FREM2: variants seen among roughly 807,000 people sequenced by gnomAD.
FREM2 encodes the protein FRAS1-related extracellular matrix protein 2.
In FREM2, 119 loss-of-function variants were observed where a neutral mutation model predicts 219.9. The ratio of observed to expected loss-of-function variants is 0.54; its 90% CI spans 0.47 to 0.63. FREM2 has a LOEUF of 0.63. FREM2 is among the 30% of genes least tolerant of loss of function. The pLI, the probability that FREM2 is intolerant of heterozygous loss-of-function variation, is 0.00. For missense variants in FREM2, 4,030 were observed against 3,993.6 expected (o/e 1.01, Z -0.25); for synonymous variants, 1,562 against 1,522.8 (o/e 1.03, Z -0.60).
At chr13:38,760,994 G>A (rs1267498642) in intron 2 of FREM2, among the ~76,000 whole-genome samples, 2 of 152,116 alleles carry the variant, frequency 1.3e-5, no homozygotes, top group South Asian at 2.1e-4. Flanking sequence ...TTCTTAAAAT[G>A]TGCCATATTT....
intron 18 of FREM2, among the ~76,000 whole-genome samples, 156 bp from the exon 19 acceptor site, chr13:38,875,866 G>A (rs1409693667): frequency 6.6e-6 from 1 of 152,226 alleles, no homozygotes; most frequent in Non-Finnish European, 1.5e-5. Flanking sequence ...TCATCTGCCA[G>A]AGGAGGATAA....
chr13:38,705,312 C>T (rs1488391231), intron 2 of FREM2, among the ~76,000 whole-genome samples: 7 of 152,104 alleles, frequency 4.6e-5, no homozygotes, highest in Admixed American at 1.3e-4. Flanking sequence ...CTGGGTTTTA[C>T]AGCCAGCAGA....
rs144836992 is a variant in FREM2, at chr13:38,754,330, A to G, written c.5264-9974A>G. Among the ~76,000 whole-genome samples, 1,003 of 152,310 alleles carry G rather than the reference A, an allele frequency of 6.6e-3. 11 individuals are homozygous for G. Among genetic ancestry groups the G allele is most frequent in the African/African-American group, 0.023 (974 of 41,560 alleles). On this transcript the variant is annotated intron_variant, in intron 2 of 23. Transcript: ENST00000280481. Reference sequence around the variant, plus strand: ...TAGAATGAGAGCTGATAGTAGAGGGAAACTCACTCGGATGACAGTTTTGCT... The same window carrying G: ...TAGAATGAGAGCTGATAGTAGAGGGGAACTCACTCGGATGACAGTTTTGCT...
intron 2 of FREM2, among the ~76,000 whole-genome samples, chr13:38,719,515 C>T (rs1454642413): frequency 6.6e-6 from 1 of 152,122 alleles, no homozygotes; most frequent in African/African-American, 2.4e-5. Context: ...GCCACTGCAC[C>T]TGGCCAGCAG....
intron 6 of FREM2, among the ~76,000 whole-genome samples, chr13:38,813,387 C>G (rs1295952572): frequency 6.6e-6 from 1 of 150,408 alleles, no homozygotes; most frequent in African/African-American, 2.4e-5. Context: ...TGTCATACCC[C>G]TCTCTCCTGT....
rs137930219 is a variant in FREM2, at chr13:38,778,741, C to T, written c.5642-4329C>T. ...TGAAATAATCTGTGCAGCAAGCCAT[C>T]GTGGCACACATTTATCTATGTAGCA... On this transcript the variant is annotated intron_variant, in intron 4 of 23. Transcript: ENST00000280481. Among the ~76,000 whole-genome samples the T allele has an allele frequency of 3.7e-3, 560 of 152,096 alleles. 1 individual carries two copies. The highest frequency in any genetic ancestry group is 0.013 in the African/African-American group (532 of 41,498).
chr13:38,755,238 A>G (rs1164240484), intron 2 of FREM2, among the ~76,000 whole-genome samples: 1 of 151,936 alleles, frequency 6.6e-6, no homozygotes, highest in African/African-American at 2.4e-5. Flanking sequence ...TGCCCCAAGG[A>G]TAGGTGCTTT....
chr13:38,853,400 CTTTATGTCCAATATTACA>C (rs1227693635), intron 11 of FREM2, among the ~76,000 whole-genome samples: 1 of 150,268 alleles, frequency 6.7e-6, no homozygotes, highest in Non-Finnish European at 1.5e-5. Flanking sequence ...ATAAAAGTAA[CTTTATGTCCAATATTACA>C]TTTATGAATT....
intron 11 of FREM2, among the ~76,000 whole-genome samples, chr13:38,853,668 G>T (rs754578763): frequency 6.6e-6 from 1 of 152,110 alleles, no homozygotes; most frequent in Non-Finnish European, 1.5e-5. Context: ...ATAATTTGAT[G>T]AACTACTCTA....
intron 2 of FREM2, among the ~76,000 whole-genome samples, chr13:38,718,496 T>A (rs769761317): frequency 2.0e-5 from 3 of 152,212 alleles, no homozygotes. Flanking sequence ...TGGTTTGGGC[T>A]AATCTTTTGA....
At chr13:38,748,739 T>A (rs58845207) in intron 2 of FREM2, among the ~76,000 whole-genome samples, 2,658 of 152,270 alleles carry the variant, frequency 0.017, 86 homozygotes, top group African/African-American at 0.061. Flanking sequence ...TGATTTTTTT[T>A]AAAATGTAAT....
In FREM2 at chr13:38,691,727, C is replaced by A. The variant is rs1421937170; in HGVS notation, c.4383C>A (p.Thr1461=). The A allele has an allele frequency of 1.2e-6, 2 of 1,613,532 alleles. No individual in the cohort carries two copies. The highest frequency in any genetic ancestry group is 1.7e-6 in the Non-Finnish European group (2 of 1,179,574). Residue 1461 remains threonine (T), a synonymous_variant, in exon 1 of 24, where the codon ACC becomes ACA. Coordinates refer to ENST00000280481, the MANE Select transcript of FREM2 (RefSeq NM_207361.6). ...ATGAAAACTTGGTTTTTACCATCACCAGGGCTCCCATGCGAGGTCACCTGG... is the reference window on the plus strand; with the variant it reads ...ATGAAAACTTGGTTTTTACCATCACAAGGGCTCCCATGCGAGGTCACCTGG... ...SPDENLVFTI[T]RAPMRGHLEC...
Position 38,689,776 on chromosome 13 carries a change from G to A in FREM2, c.2432G>A (p.Gly811Glu), listed in dbSNP as rs147293913. ...CAGTTCCAGGTGGAAGACCGAGCTG[G>A]GAATGTGGCTCCAGGTACCTTTACC... ...QFQFQVEDRAGNVAPGTFTLY... is the reference protein window; with the variant it reads ...QFQFQVEDRAENVAPGTFTLY... The change falls in exon 1 of 24, where the codon GGG becomes GAG. Residue 811 changes from glycine to glutamate, a missense_variant. Transcript: ENST00000280481. The A allele has an allele frequency of 4.7e-4, 766 of 1,613,506 alleles. 1 individual carries two copies. The highest frequency in any genetic ancestry group is 6.2e-4 in the Non-Finnish European group (736 of 1,179,772).
At position 38,764,429 on chromosome 13, in the gene FREM2, T is replaced by C. The variant is rs781586208; in HGVS notation, c.5389T>C (p.Leu1797=). Reference sequence around the variant, plus strand: ...TGTTGTTCTTAAACGTAGAGGTTACTTGGGAGAAACTTCTTTTATAAGTAA... The same window carrying C: ...TGTTGTTCTTAAACGTAGAGGTTACCTGGGAGAAACTTCTTTTATAAGTAA... ...LDVVLKRRGY[L]GETSFISIGT... The change falls in exon 3 of 24, where the codon TTG becomes CTG. Residue 1797 remains leucine, a synonymous_variant. Transcript: ENST00000280481. The C allele has an allele frequency of 1.3e-6, 2 of 1,572,772 alleles. No homozygotes were observed. The highest frequency in any genetic ancestry group is 1.7e-5 in the Admixed American group (1 of 57,148).
intron 6 of FREM2, among the ~76,000 whole-genome samples, chr13:38,796,552 T>C (rs1874792782): frequency 1.3e-5 from 2 of 152,122 alleles, no homozygotes; most frequent in African/African-American, 2.4e-5. Flanking sequence ...CCCATTCCCC[T>C]ACAAAATGAC....
chr13:38,849,050 A>G (rs1877271948), intron 8 of FREM2, among the ~76,000 whole-genome samples: 1 of 152,148 alleles, frequency 6.6e-6, no homozygotes, highest in Admixed American at 6.6e-5. Flanking sequence ...CCTACCCTAA[A>G]GACCTCATTG....
intron 11 of FREM2, among the ~76,000 whole-genome samples, chr13:38,852,269 T>C (rs1440692721): frequency 6.6e-6 from 1 of 152,200 alleles, no homozygotes; most frequent in African/African-American, 2.4e-5. Flanking sequence ...TCAATTAAAA[T>C]ATAGACATAC....
chr13:38,877,575 A>G (rs988895280), intron 21 of FREM2, among the ~76,000 whole-genome samples: 1 of 152,106 alleles, frequency 6.6e-6, no homozygotes, highest in Non-Finnish European at 1.5e-5. Context: ...TCTCAGGCAA[A>G]GATTGTGCCT....
chr13:38,822,347 CTTTTTTTTTTTTTT>C (rs951562767), intron 6 of FREM2, among the ~76,000 whole-genome samples: 128 of 100,042 alleles, frequency 1.3e-3, no homozygotes, highest in Admixed American at 2.2e-3. Context: ...TTCTTTCTTT[CTTTTTTTTTTTTTT>C]TTTTTTTTTT....
Sources: gnomAD v4.1 joint callset for allele counts (sites outside exome capture counted in the v4.1 genomes callset) on GRCh38, gnomAD v4.1.1 for gene constraint, MANE v1.5 for transcripts, NCBI Gene and HGNC (gene_info 2026-07-23, HGNC 2026-07-21) for gene names.